FLT4: variants seen among roughly 807,000 people sequenced by gnomAD.
FLT4 encodes vascular endothelial growth factor receptor 3.
Under a neutral mutation model 163.2 loss-of-function variants are expected in FLT4, and 30 were observed. That is an observed-to-expected ratio of 0.18 (90% CI 0.14 to 0.25). The LOEUF is 0.25. Ranked by LOEUF, FLT4 falls within the 10% of genes least tolerant of loss-of-function variation. The pLI, the probability that FLT4 is intolerant of heterozygous loss-of-function variation, is 1.00. For missense variants in FLT4, 1,510 were observed against 1,863.8 expected (o/e 0.81, Z 3.50); for synonymous variants, 884 against 789.5 (o/e 1.12, Z -2.01).
Position 180,621,524 on chromosome 5 carries a change from C to T in FLT4, c.2020+18G>A. The T allele has an allele frequency of 1.9e-6, 3 of 1,610,518 alleles. No homozygotes were observed. The highest frequency in any genetic ancestry group is 1.7e-6 in the Non-Finnish European group (2 of 1,179,382). On this transcript the variant is annotated intron_variant, in intron 13 of 29. Transcript: ENST00000261937. Reference sequence around the variant, plus strand: ...CTAGAAGAGAGCGCGTCCCCGCCCTCCCCGCGGCCAGCCTCACCCTGCACC... The same window carrying T: ...CTAGAAGAGAGCGCGTCCCCGCCCTTCCCGCGGCCAGCCTCACCCTGCACC...
At position 180,636,566 on chromosome 5, in the gene FLT4, C is replaced by G. The variant is rs1407393055; in HGVS notation, c.59-4788G>C. ...TGGCTCACCATCCCCCCCACCCCAG[C>G]TCCTGCCCTTCTCCATGACTTCACC... On this transcript the variant is annotated intron_variant, in intron 1 of 29. Transcript: ENST00000261937. This position sits in a 1 kb window ranked among gnomAD's most constrained non-coding sequence, Gnocchi z 4.3. Among the ~76,000 whole-genome samples, 1 of 149,292 alleles carries G rather than the reference C, an allele frequency of 6.7e-6. No homozygotes were observed. The highest frequency in any genetic ancestry group is 2.2e-4 in the South Asian group (1 of 4,526).
At chr5:180,633,898 C>T (rs981813108) in intron 1 of FLT4, among the ~76,000 whole-genome samples, 2 of 152,202 alleles carry the variant, frequency 1.3e-5, no homozygotes, top group African/African-American at 4.8e-5. Context: ...GGAGAGAGAA[C>T]ATCCCGCCAC....
intron 26 of FLT4, 138 bp from the exon 27 acceptor site, chr5:180,611,617 C>G (rs1296409780): frequency 1.1e-6 from 1 of 927,486 alleles, no homozygotes; most frequent in Non-Finnish European, 1.6e-6. Context: ...CAGCTCTCGC[C>G]CCCGCCCTCG....
At chr5:180,643,976 C>T (rs1323986265) in intron 1 of FLT4, among the ~76,000 whole-genome samples, 4 of 152,144 alleles carry the variant, frequency 2.6e-5, no homozygotes, top group African/African-American at 7.2e-5. Context: ...CGCCTGCCAC[C>T]GCACGCAGCT....
At chr5:180,634,679 A>G (rs1486417990) in intron 1 of FLT4, among the ~76,000 whole-genome samples, 1 of 106,626 alleles carries the variant, frequency 9.4e-6, no homozygotes, top group Non-Finnish European at 1.9e-5. Flanking sequence ...TGGGCGACAG[A>G]GCAAGACTCC....
Position 180,603,290 on chromosome 5 carries a change from A to G in FLT4, c.3994T>C (p.Phe1332Leu), listed in dbSNP as rs565053503. The G allele has an allele frequency of 1.2e-6, 2 of 1,613,984 alleles. No individual in the cohort carries two copies. The highest frequency in any genetic ancestry group is 2.2e-5 in the South Asian group (2 of 91,030). Reference protein sequence around the residue: ...PERGARGGQVFYNSEYGELSE... With the variant: ...PERGARGGQVLYNSEYGELSE... Reference sequence around the variant, plus strand: ...AGCTCCCCATACTCGCTGTTGTAAAACACCTGGCCTCCTCGGGCCCCCCGC... The same window carrying G: ...AGCTCCCCATACTCGCTGTTGTAAAGCACCTGGCCTCCTCGGGCCCCCCGC... The change falls in exon 30 of 30, where the codon TTT (phenylalanine) becomes CTT (leucine). Residue 1332 changes from phenylalanine (F) to leucine (L), a missense_variant. By Grantham distance (22) the Phe-to-Leu change is conservative (BLOSUM62 0). Coordinates refer to ENST00000261937, the MANE Select transcript of FLT4 (RefSeq NM_182925.5).
At chr5:180,641,233 G>A (rs1262565932) in intron 1 of FLT4, among the ~76,000 whole-genome samples, 1 of 152,202 alleles carries the variant, frequency 6.6e-6, no homozygotes, top group African/African-American at 2.4e-5. Context: ...GCACGTGGAG[G>A]GTCCGAGTCA....
chr5:180,605,281 G>A (rs754276113), intron 29 of FLT4, among the ~76,000 whole-genome samples: 26 of 152,084 alleles, frequency 1.7e-4, no homozygotes, highest in Non-Finnish European at 2.2e-4. Context: ...CTTTTATTTC[G>A]ATTTCTTTCC....
Position 180,601,884 on chromosome 5 carries a change from G to A in FLT4, c.*1308C>T. 4.3e-6 allele frequency: 1 copy of A among 233,596 alleles called. No homozygotes were observed. 14.5% of individuals were successfully genotyped at this position (233,596 alleles called of 1,614,324 possible). A position where few individuals can be genotyped will look rare whatever the true frequency, so the allele number is the denominator to read the frequency against. ...AGCCCCTGCCCGCTGCGCGGCGCCT[G>A]TCCTGCAAGCGTCTGGTGCGTGGGT... is the stretch of plus-strand genomic sequence containing the variant. On this transcript the variant is annotated 3_prime_UTR_variant, in exon 30 of 30. Coordinates refer to ENST00000261937, the MANE Select transcript of FLT4 (RefSeq NM_182925.5).
intron 1 of FLT4, among the ~76,000 whole-genome samples, chr5:180,642,246 C>T (rs1034508680): frequency 6.6e-6 from 1 of 151,636 alleles, no homozygotes; most frequent in Non-Finnish European, 1.5e-5. Context: ...CTGGCTCATG[C>T]ACACGGATCC....
intron 11 of FLT4, 90 bp from the exon 12 acceptor site, chr5:180,622,929 C>A (rs575781385): frequency 5.6e-5 from 42 of 751,540 alleles, no homozygotes; most frequent in Admixed American, 3.2e-4. Context: ...CTGTGCACCA[C>A]CCCCCCCAAT....
At chr5:180,642,541 C>T (rs1765207731) in intron 1 of FLT4, among the ~76,000 whole-genome samples, 1 of 152,064 alleles carries the variant, frequency 6.6e-6, no homozygotes, top group African/African-American at 2.4e-5. Flanking sequence ...GGGCCCTGTC[C>T]TGCTCGCTGG....
At chr5:180,648,284 GC>G (rs2127877075) in intron 1 of FLT4, among the ~76,000 whole-genome samples, 1 of 152,302 alleles carries the variant, frequency 6.6e-6, no homozygotes, top group South Asian at 2.1e-4. Context: ...AGCCAGACCT[GC>G]CCCCTCTCCT....
At chr5:180,614,450 G>T (rs1762475544) in intron 23 of FLT4, among the ~76,000 whole-genome samples, 1 of 152,050 alleles carries the variant, frequency 6.6e-6, no homozygotes. Context: ...CAGGGGAGGG[G>T]TATCGGGGTA....
Position 180,602,629 on chromosome 5 carries a change from G to C in FLT4, c.*563C>G. ...CAGGGGCTAGTTGGCTGTTTGGTCA[G>C]GCCCAGAAGAGGACCCTGCAAATGC... is the stretch of plus-strand genomic sequence containing the variant. On this transcript the variant is annotated 3_prime_UTR_variant, in exon 30 of 30. Coordinates refer to ENST00000261937, the MANE Select transcript of FLT4 (RefSeq NM_182925.5). 2.4e-6 allele frequency: 1 copy of C among 408,406 alleles called. No homozygotes were observed. The highest frequency in any genetic ancestry group is 4.3e-6 in the Non-Finnish European group (1 of 231,142). 25.3% of individuals were successfully genotyped at this position (408,406 alleles called of 1,614,324 possible).
chr5:180,621,352 G>C, intron 13 of FLT4, 100 bp from the exon 14 acceptor site: 1 of 1,468,754 alleles, frequency 6.8e-7, no homozygotes. Context: ...CTGGAAGCTG[G>C]ACTTAGGGGT....
chr5:180,618,979 A>G, intron 20 of FLT4, 42 bp downstream of exon 20: 1 of 1,552,408 alleles, frequency 6.4e-7, no homozygotes, highest in Non-Finnish European at 8.7e-7. Context: ...AGGCGCCTCC[A>G]TTCCCCCGCC....
chr5:180,641,529 G>A (rs887162844), intron 1 of FLT4, among the ~76,000 whole-genome samples: 1 of 152,224 alleles, frequency 6.6e-6, no homozygotes, highest in African/African-American at 2.4e-5. Context: ...CTGCAGACTG[G>A]AGGGAGCTGG....
rs112412370 is a variant in FLT4, at chr5:180,644,616, C to A, written c.58+4872G>T. 1.5e-3 allele frequency among the ~76,000 whole-genome samples: 231 copies of A among 152,338 alleles called. 3 individuals are homozygous for A. The highest frequency in any genetic ancestry group is 5.3e-3 in the African/African-American group (222 of 41,570). On this transcript the variant is annotated intron_variant, in intron 1 of 29. Transcript: ENST00000261937. The stretch of plus-strand genomic sequence containing the variant: ...CGTTTCACCCTTGTGGCCTGAATTT[C>A]CTAATCTCCAAAATAAGCATAATAA...
Sources: allele counts gnomAD v4.1 joint callset (sites outside exome capture counted in the v4.1 genomes callset), GRCh38; gene constraint gnomAD v4.1.1; non-coding constraint Gnocchi (gnomAD v3.1); transcripts MANE v1.5; gene names NCBI Gene and HGNC (gene_info 2026-07-23, HGNC 2026-07-21).